Variants in C1QL3 observed in about 807,000 individuals in gnomAD.
C1QL3 encodes the protein complement C1q like 3, also known as complement C1q-like protein 3.
A neutral mutation model predicts 16.6 loss-of-function variants in C1QL3; 4 were observed. That is an observed-to-expected ratio of 0.24 (90% confidence interval 0.12 to 0.55). C1QL3 has a LOEUF of 0.55. C1QL3 is among the 20% of genes least tolerant of loss of function. The pLI, the probability that C1QL3 is intolerant of heterozygous loss-of-function variation, is 0.94. For missense variants in C1QL3, 269 were observed against 365.6 expected (o/e 0.74, Z 2.16); for synonymous variants, 189 against 160.2 (o/e 1.18, Z -1.36).
In C1QL3 at chr10:16,521,702, C is replaced by G. The variant is rs1381963706; in HGVS notation, c.-637G>C. ...CGCACCCCAAAGCCCCGCGTGGGCC[C>G]GGGCGTCCCCCGGGTGCGCCCAGCG... On this transcript the variant is annotated 5_prime_UTR_variant, in exon 1 of 2. Coordinates refer to ENST00000298943, the MANE Select transcript of C1QL3 (RefSeq NM_001010908.2). The G allele has an allele frequency of 6.5e-6, 1 of 152,850 alleles. No homozygotes were observed. The highest frequency in any genetic ancestry group is 1.5e-5 in the Non-Finnish European group (1 of 68,534). The allele number at this position is 152,850 out of a possible 1,614,324, so 9.5% of individuals were successfully genotyped here.
chr10:16,521,285 G>C lies in C1QL3; in HGVS notation c.-220C>G. 4.0e-6 allele frequency: 2 copies of C among 503,360 alleles called. No individual in the cohort carries two copies. The highest frequency in any genetic ancestry group is 3.5e-6 in the Non-Finnish European group (1 of 288,346). 31.2% of individuals were successfully genotyped at this position (503,360 alleles called of 1,614,324 possible). On this transcript the variant is annotated 5_prime_UTR_variant, in exon 1 of 2. Coordinates refer to ENST00000298943, the MANE Select transcript of C1QL3 (RefSeq NM_001010908.2). The stretch of plus-strand genomic sequence containing the variant: ...TGCTCCCCCCGCGGAGGCTGCGGCT[G>C]GGGAGGGAGCGCGGGCGCCCAGTGA...
rs1370036326 is a variant in C1QL3 at position 16,520,695 on chromosome 10, A to T, written c.371T>A (p.Val124Glu). ...GAISAATYST[V>E]PKIAFYAGLK... ...GCCGGCGTAGAAGGCGATCTTGGGC[A>T]CCGTGCTGTAGGTGGCGGCGCTGAT... The change falls in exon 1 of 2, where the codon GTG (valine) becomes GAG (glutamate). Residue 124 changes from valine to glutamate, a missense_variant. Coordinates refer to ENST00000298943, the MANE Select transcript of C1QL3 (RefSeq NM_001010908.2). This position sits in a 1 kb window ranked among gnomAD's most constrained non-coding sequence, Gnocchi z 8.3. 1 of 1,605,364 alleles carries T rather than the reference A, an allele frequency of 6.2e-7. No homozygotes were observed. The highest frequency in any genetic ancestry group is 8.5e-7 in the Non-Finnish European group (1 of 1,176,192).
intron 1 of C1QL3, among the ~76,000 whole-genome samples, chr10:16,517,631 A>G (rs113173134): frequency 0.012 from 1,812 of 152,274 alleles, 31 homozygotes; most frequent in African/African-American, 0.041. Flanking sequence ...GCTTTCAACA[A>G]ATGGTAGGAT....
intron 1 of C1QL3, 144 bp from the exon 2 acceptor site, chr10:16,514,851 T>C: frequency 3.1e-6 from 2 of 636,994 alleles, no homozygotes; most frequent in Non-Finnish European, 5.4e-6. Flanking sequence ...CAGAGCTTTA[T>C]GAGGATAGTG....
chr10:16,514,447 C>G lies in C1QL3; in HGVS notation c.*81G>C. 8.1e-7 allele frequency: 1 copy of G among 1,238,092 alleles called. No individual in the cohort carries two copies. Among genetic ancestry groups the G allele is most frequent in the Non-Finnish European group, 1.2e-6 (1 of 865,412 alleles). 76.7% of individuals were successfully genotyped at this position (1,238,092 alleles called of 1,614,324 possible). ...ACTGAGGTGCCCTGCCATTGGCATCCCCTGGGATCCTTGATTCACTGACGT... is the reference window on the plus strand; with the variant it reads ...ACTGAGGTGCCCTGCCATTGGCATCGCCTGGGATCCTTGATTCACTGACGT... On this transcript the variant is annotated 3_prime_UTR_variant, in exon 2 of 2. Transcript: ENST00000298943.
Position 16,520,594 on chromosome 10 carries a change from G to T in C1QL3, c.472C>A (p.Pro158Thr), listed in dbSNP as rs1425482340. 6.2e-7 allele frequency: 1 copy of T among 1,613,744 alleles called. No homozygotes were observed. The part of the protein sequence containing the change: ...VVTNLGNHYD[P>T]TTGKFTCSIP... ...GAGCAGGTGAACTTGCCGGTGGTGG[G>T]GTCGTAGTGGTTTCCGAGGTTGGTG... Residue 158 changes from proline to threonine, a missense_variant, in exon 1 of 2, where the codon CCC becomes ACC. Coordinates refer to ENST00000298943, the MANE Select transcript of C1QL3 (RefSeq NM_001010908.2). The surrounding 1 kb of genome is among the most constrained non-coding windows in gnomAD (Gnocchi z 8.3).
Position 16,520,779 on chromosome 10 carries a change from G to A in C1QL3, c.287C>T (p.Pro96Leu), listed in dbSNP as rs752202297. 1 of 1,303,690 alleles carries A rather than the reference G, an allele frequency of 7.7e-7. No individual in the cohort carries two copies. The highest frequency in any genetic ancestry group is 3.2e-5 in the East Asian group (1 of 31,730). The allele number at this position is 1,303,690 out of a possible 1,614,324, so 80.8% of individuals were successfully genotyped here. The change falls in exon 1 of 2, where the codon CCG (proline) becomes CTG (leucine). Residue 96 changes from proline (P) to leucine (L), a missense_variant. Around this residue, in one of 2 missense-constraint regions of C1QL3, gnomAD observed 246 missense variants for 297.2 expected, o/e 0.83. Coordinates refer to ENST00000298943, the MANE Select transcript of C1QL3 (RefSeq NM_001010908.2). This position sits in a 1 kb window ranked among gnomAD's most constrained non-coding sequence, Gnocchi z 8.3. ...PMGPPGEKGEPGRQGLPGPPG... is the reference protein window; with the variant it reads ...PMGPPGEKGELGRQGLPGPPG... ...CGGGCCCGGCAGGCCTTGGCGGCCC[G>A]GCTCGCCCTTCTCGCCCGGGGGCCC...
In C1QL3 at chr10:16,514,478, A is replaced by G. The variant is rs1224426629; in HGVS notation, c.*50T>C. The G allele has an allele frequency of 6.6e-7, 1 of 1,519,366 alleles. No individual in the cohort carries two copies. The highest frequency in any genetic ancestry group is 9.0e-7 in the Non-Finnish European group (1 of 1,106,154). The allele number at this position is 1,519,366 out of a possible 1,614,324, so 94.1% of individuals were successfully genotyped here. A position where few individuals can be genotyped will look rare whatever the true frequency, so the allele number is the denominator to read the frequency against. On this transcript the variant is annotated 3_prime_UTR_variant, in exon 2 of 2. Transcript: ENST00000298943. ...GATCCTTGATTCACTGACGTTAGCC[A>G]TACGAATCCAGTGTTCAAACTCAGA...
chr10:16,516,646 G>A (rs984327262), intron 1 of C1QL3, among the ~76,000 whole-genome samples: 4 of 152,118 alleles, frequency 2.6e-5, no homozygotes, highest in Admixed American at 6.6e-5. Flanking sequence ...GGAGAAACAG[G>A]ACATACTAAA....
At position 16,520,741 on chromosome 10, in the gene C1QL3, C is replaced by G; in HGVS notation, c.325G>C (p.Gly109Arg). Residue 109 changes from glycine (G) to arginine (R), a missense_variant, in exon 1 of 2, where the codon GGC becomes CGC. Transcript: ENST00000298943. This position sits in a 1 kb window ranked among gnomAD's most constrained non-coding sequence, Gnocchi z 8.3. ...QGLPGPPGAP[G>R]LNAAGAISAA... ...CTGATGGCCCCGGCCGCGTTCAGGC[C>G]GGGCGCCCCGGGCGGGCCCGGCAGG... 1 of 1,426,494 alleles carries G rather than the reference C, an allele frequency of 7.0e-7. No homozygotes were observed. The highest frequency in any genetic ancestry group is 1.6e-5 in the South Asian group (1 of 60,616). 88.4% of individuals were successfully genotyped at this position (1,426,494 alleles called of 1,614,324 possible). A position where few individuals can be genotyped will look rare whatever the true frequency, so the allele number is the denominator to read the frequency against.
Position 16,521,296 on chromosome 10 carries a change from G to A in C1QL3, c.-231C>T, listed in dbSNP as rs961224797. 6.2e-6 allele frequency: 3 copies of A among 484,888 alleles called. No homozygotes were observed. The highest frequency in any genetic ancestry group is 2.1e-5 in the African/African-American group (1 of 48,534). The allele number at this position is 484,888 out of a possible 1,614,324, so 30.0% of individuals were successfully genotyped here. ...CGGAGGCTGCGGCTGGGGAGGGAGC[G>A]CGGGCGCCCAGTGACTTGAGCCGAA... On this transcript the variant is annotated 5_prime_UTR_variant, in exon 1 of 2. Coordinates refer to ENST00000298943, the MANE Select transcript of C1QL3 (RefSeq NM_001010908.2).
intron 1 of C1QL3, among the ~76,000 whole-genome samples, chr10:16,515,699 A>G (rs1836939714): frequency 6.6e-6 from 1 of 152,200 alleles, no homozygotes; most frequent in African/African-American, 2.4e-5. Flanking sequence ...ATTAGGCTTC[A>G]TATTCATTTA....
chr10:16,520,214 C>T lies in C1QL3; in HGVS notation c.588+264G>A, dbSNP rs1837018090. On this transcript the variant is annotated intron_variant, in intron 1 of 1. Coordinates refer to ENST00000298943, the MANE Select transcript of C1QL3 (RefSeq NM_001010908.2). This position sits in a 1 kb window ranked among gnomAD's most constrained non-coding sequence, Gnocchi z 8.3. ...ACCCAGCTCCCGGCTTCCCGCCCCT[C>T]GAGGGTCGCGCTCGCAGGGGCGCGC... Among the ~76,000 whole-genome samples, 1 of 152,086 alleles carries T rather than the reference C, an allele frequency of 6.6e-6. No homozygotes were observed. The highest frequency in any genetic ancestry group is 2.4e-5 in the African/African-American group (1 of 41,450).
At position 16,521,369 on chromosome 10, in the gene C1QL3, T is replaced by G; in HGVS notation, c.-304A>C. 1.6e-4 allele frequency: 34 copies of G among 213,406 alleles called. No individual in the cohort carries two copies. Among genetic ancestry groups the G allele is most frequent in the East Asian group, 4.1e-4 (4 of 9,868 alleles). 13.2% of individuals were successfully genotyped at this position (213,406 alleles called of 1,614,324 possible). On this transcript the variant is annotated 5_prime_UTR_variant, in exon 1 of 2. Transcript: ENST00000298943. ...CGGGGGAGGGGTGCGCGGGGCGCCC[T>G]CGCCCCCCGCGAGCTCCTTCGCACC...
chr10:16,514,876 G>T (rs1022691571), intron 1 of C1QL3, among the ~76,000 whole-genome samples, 169 bp from the exon 2 acceptor site: 3 of 152,096 alleles, frequency 2.0e-5, no homozygotes, highest in African/African-American at 4.8e-5. Context: ...GGCAGTTTCC[G>T]CTACGTTAGT....
intron 1 of C1QL3, among the ~76,000 whole-genome samples, chr10:16,516,229 G>A (rs1018194655): frequency 6.6e-6 from 1 of 152,266 alleles, no homozygotes; most frequent in African/African-American, 2.4e-5. Flanking sequence ...ATGCTTGGAA[G>A]CACTGACTCC....
intron 1 of C1QL3, among the ~76,000 whole-genome samples, chr10:16,517,808 T>C (rs964383333): frequency 7.9e-5 from 12 of 152,234 alleles, no homozygotes; most frequent in African/African-American, 2.9e-4. Context: ...TAATTGCTAC[T>C]GATGTTCTCG....
intron 1 of C1QL3, among the ~76,000 whole-genome samples, chr10:16,518,347 T>G (rs1360087333): frequency 6.6e-6 from 1 of 152,242 alleles, no homozygotes; most frequent in Non-Finnish European, 1.5e-5. Flanking sequence ...ATAGATTTAT[T>G]TTTCTGAATT....
At chr10:16,519,355 G>A (rs1442862317) in intron 1 of C1QL3, among the ~76,000 whole-genome samples, 1 of 151,248 alleles carries the variant, frequency 6.6e-6, no homozygotes, top group African/African-American at 2.4e-5. Context: ...CCAGGGTCGC[G>A]GGCCATCCCC....
Sources: gnomAD v4.1 joint callset for allele counts (sites outside exome capture counted in the v4.1 genomes callset) on GRCh38, gnomAD v4.1.1 for gene constraint, gnomAD v4.1.1 regional missense constraint, Gnocchi (gnomAD v3.1) non-coding constraint, MANE v1.5 for transcripts, NCBI Gene and HGNC (gene_info 2026-07-23, HGNC 2026-07-21) for gene names.